The following MACF1 variants were observed in gnomAD, a reference collection of about 807,000 sequenced individuals.
MACF1 encodes microtubule-actin cross-linking factor 1.
MACF1 carries 193 observed loss-of-function variants against 854.8 expected under a neutral mutation model. The ratio of observed to expected loss-of-function variants is 0.23; its 90% CI spans 0.20 to 0.25. The LOEUF is 0.25. MACF1 is among the 10% of genes least tolerant of loss of function. The pLI is 1.00. For missense variants in MACF1, 7,722 were observed against 8,929.1 expected (o/e 0.86, Z 5.45); for synonymous variants, 3,185 against 3,226.7 (o/e 0.99, Z 0.44).
intron 90 of MACF1, 105 bp downstream of exon 90, chr1:39,458,595 G>A (rs558271228): frequency 2.3e-5 from 33 of 1,415,816 alleles, no homozygotes; most frequent in African/African-American, 2.0e-4. Flanking sequence ...TTCAAAAACC[G>A]TGTTGGTTTT....
intron 41 of MACF1, among the ~76,000 whole-genome samples, chr1:39,347,579 G>T (rs949846181): frequency 5.3e-5 from 8 of 151,950 alleles, no homozygotes; most frequent in Admixed American, 3.3e-4. Flanking sequence ...TTGAGGGCTC[G>T]TAAGAACATC....
At chr1:39,438,123 T>A in intron 71 of MACF1, 115 bp downstream of exon 71, 1 of 900,096 alleles carries the variant, frequency 1.1e-6, no homozygotes, top group Non-Finnish European at 1.7e-6. Flanking sequence ...CAGTCCCCAG[T>A]AATGAGTATT....
intron 58 of MACF1, among the ~76,000 whole-genome samples, chr1:39,418,227 TAAGG>T (rs953090246): frequency 2.0e-5 from 3 of 152,148 alleles, no homozygotes; most frequent in African/African-American, 7.2e-5. Flanking sequence ...ATTATTGATT[TAAGG>T]AAGAGGTAAG....
chr1:39,269,860 C>T (rs1645282792), intron 6 of MACF1: 1 of 576,676 alleles, frequency 1.7e-6, no homozygotes, highest in Admixed American at 3.7e-5. Context: ...TCTGCTGGAG[C>T]TCAGCAAGCA....
intron 2 of MACF1, among the ~76,000 whole-genome samples, chr1:39,240,206 A>G (rs1004476203): frequency 6.6e-6 from 1 of 152,226 alleles, no homozygotes; most frequent in African/African-American, 2.4e-5. Context: ...CTTTTTGCGT[A>G]TTCATGTCTA....
chr1:39,371,507 C>T (rs1569761890), intron 51 of MACF1, among the ~76,000 whole-genome samples: 1 of 151,946 alleles, frequency 6.6e-6, no homozygotes, highest in East Asian at 1.9e-4. Context: ...AGAATGGTGT[C>T]CTTTCTCTGA....
intron 60 of MACF1, 111 bp downstream of exon 60, chr1:39,423,011 A>G (rs1643596727): frequency 8.8e-6 from 8 of 912,302 alleles, no homozygotes; most frequent in East Asian, 2.6e-5. Flanking sequence ...ATCCTAAACT[A>G]CTTTGTGTCG....
chr1:39,285,500 CTT>C (rs75602935), intron 13 of MACF1, 102 bp from the exon 14 acceptor site: 21,939 of 1,251,066 alleles, frequency 0.018, no homozygotes, highest in South Asian at 0.021. Flanking sequence ...TATTATTTCC[CTT>C]TTTTTTTTTT....
intron 2 of MACF1, among the ~76,000 whole-genome samples, chr1:39,164,973 G>A (rs946338189): frequency 3.3e-5 from 5 of 152,152 alleles, no homozygotes; most frequent in Non-Finnish European, 5.9e-5. Context: ...CTTGATGAGA[G>A]TACATCCTTG....
chr1:39,424,341 A>G, intron 61 of MACF1, 147 bp downstream of exon 61: 1 of 610,386 alleles, frequency 1.6e-6, no homozygotes, highest in Non-Finnish European at 2.8e-6. Flanking sequence ...GATTTTAGAG[A>G]TGATCCTCAT....
Position 39,324,594 on chromosome 1 carries a change from G to C in MACF1, c.4390-52G>C. 4 of 1,418,906 alleles carry C rather than the reference G, an allele frequency of 2.8e-6. No individual in the cohort carries two copies. The South Asian group carries it at 3.8e-5, about 14-fold the overall frequency. 87.9% of individuals were successfully genotyped at this position (1,418,906 alleles called of 1,614,324 possible). ...AAAAAAATAATTTTAAATAATTTTT[G>C]ACTCTTAATTCTTGGGTTTTGAAGC... On this transcript the variant is annotated intron_variant, in intron 34 of 100. Transcript: ENST00000564288.
chr1:39,455,216 C>A, intron 89 of MACF1, 119 bp downstream of exon 89: 1 of 970,128 alleles, frequency 1.0e-6, no homozygotes, highest in Non-Finnish European at 1.5e-6. Flanking sequence ...AGACTTAGCA[C>A]TGTAAAACAA....
At chr1:39,235,289 C>T (rs963372849) in intron 2 of MACF1, among the ~76,000 whole-genome samples, 3 of 152,246 alleles carry the variant, frequency 2.0e-5, no homozygotes, top group Admixed American at 1.3e-4. Flanking sequence ...GGATCACTTG[C>T]GGTTAGGGGC....
chr1:39,408,412 G>A (rs1418192454), intron 58 of MACF1, among the ~76,000 whole-genome samples: 3 of 152,184 alleles, frequency 2.0e-5, no homozygotes, highest in Non-Finnish European at 1.5e-5. Context: ...TCTTCGGTCC[G>A]GCAAGGGGCG....
intron 74 of MACF1, 41 bp from the exon 75 acceptor site, chr1:39,441,911 C>T: frequency 6.9e-7 from 1 of 1,451,288 alleles, no homozygotes; most frequent in Non-Finnish European, 9.7e-7. Flanking sequence ...CTCCCAAATT[C>T]TTCTGGTTGT....
In MACF1 at chr1:39,092,168, C is replaced by T. The variant is rs186049900; in HGVS notation, c.220+7730C>T. ...CAACCTGAAGAGACAGGGCACTTCC[C>T]GGTGGTTTGCATCTATTCTTGCTCT... On this transcript the variant is annotated intron_variant, in intron 2 of 93. Coordinates refer to the MACF1 transcript ENST00000361689. Among the ~76,000 whole-genome samples the T allele has an allele frequency of 1.7e-4, 26 of 152,224 alleles. No individual in the cohort carries two copies. In the East Asian group the frequency reaches 3.9e-3, roughly 23 times the overall value.
At chr1:39,252,939 A>G (rs1372636140) in intron 4 of MACF1, among the ~76,000 whole-genome samples, 4 of 152,136 alleles carry the variant, frequency 2.6e-5, no homozygotes, top group African/African-American at 9.7e-5. Context: ...CTTTTTGCCC[A>G]TTTTAATTTG....
intron 58 of MACF1, among the ~76,000 whole-genome samples, chr1:39,393,194 AAAATATATATATATAT>A (rs1463186402): frequency 1.9e-4 from 15 of 79,266 alleles, no homozygotes; most frequent in East Asian, 3.9e-4. Context: ...AAAAAAAAAA[AAAATATATATATATAT>A]ATATATATAT....
At chr1:39,240,953 C>G (rs1242553693) in intron 2 of MACF1, among the ~76,000 whole-genome samples, 2 of 152,142 alleles carry the variant, frequency 1.3e-5, no homozygotes, top group Admixed American at 1.3e-4. Context: ...CCCCTCCCAC[C>G]CCCGCTCTCC....
Sources: allele counts gnomAD v4.1 joint callset (sites outside exome capture counted in the v4.1 genomes callset), GRCh38; gene constraint gnomAD v4.1.1; transcripts MANE v1.5; gene names NCBI Gene and HGNC (gene_info 2026-07-23, HGNC 2026-07-21).